SHISA9: variants seen among roughly 807,000 people sequenced by gnomAD.
SHISA9 encodes the protein protein shisa-9.
In SHISA9, 13 loss-of-function variants were observed where a neutral mutation model predicts 38.0. The ratio of observed to expected loss-of-function variants is 0.34; its 90% CI spans 0.22 to 0.54. The LOEUF (loss-of-function observed/expected upper bound fraction) is 0.54, where lower values mean the gene tolerates loss of function less well. SHISA9 is among the 20% of genes least tolerant of loss of function. The pLI, the probability that SHISA9 is intolerant of heterozygous loss-of-function variation, is 0.91. For missense variants in SHISA9, 538 were observed against 575.8 expected (o/e 0.93, Z 0.67); for synonymous variants, 275 against 242.0 (o/e 1.14, Z -1.27).
chr16:13,035,650 C>T (rs1179118279), intron 2 of SHISA9, among the ~76,000 whole-genome samples: 1 of 152,046 alleles, frequency 6.6e-6, no homozygotes, highest in Non-Finnish European at 1.5e-5. Context: ...CCTGTCTCAG[C>T]CTCTCAAGTA....
At chr16:13,272,168 A>C in the SHISA9 span, among the ~76,000 whole-genome samples, 2 of 152,116 alleles carry the variant, frequency 1.3e-5, no homozygotes, top group African/African-American at 4.8e-5. Context: ...AAATTATGGA[A>C]GCATACAATT....
At chr16:13,453,670 A>G in the SHISA9 span, among the ~76,000 whole-genome samples, 2 of 152,250 alleles carry the variant, frequency 1.3e-5, no homozygotes, top group Non-Finnish European at 2.9e-5. Context: ...CTGATAGTCC[A>G]TAGACTAGTA....
chr16:13,303,585 T>C, the SHISA9 span, among the ~76,000 whole-genome samples: 2 of 152,126 alleles, frequency 1.3e-5, no homozygotes, highest in East Asian at 1.9e-4. Context: ...TGCCAGGGTA[T>C]GGAGGGGAGA....
chr16:13,344,978 A>G, the SHISA9 span, among the ~76,000 whole-genome samples: 1 of 152,166 alleles, frequency 6.6e-6, no homozygotes, highest in Admixed American at 6.5e-5. Context: ...AACATTCCCC[A>G]TGTATGTAGA....
At chr16:13,493,513 C>T in the SHISA9 span, among the ~76,000 whole-genome samples, 32 of 152,256 alleles carry the variant, frequency 2.1e-4, no homozygotes, top group African/African-American at 7.2e-4. Context: ...CTGAGACACA[C>T]GGGGCTCTGA....
Position 12,901,999 on chromosome 16 carries a change from G to T in SHISA9, c.-66G>T, listed in dbSNP as rs1469084938. 9 of 1,304,320 alleles carry T rather than the reference G, an allele frequency of 6.9e-6. No homozygotes were observed. The highest frequency in any genetic ancestry group is 3.2e-5 in the East Asian group (1 of 31,166). The allele number at this position is 1,304,320 out of a possible 1,614,324, so 80.8% of individuals were successfully genotyped here. A position where few individuals can be genotyped will look rare whatever the true frequency, so the allele number is the denominator to read the frequency against. ...CAGCAGCCTCGGCAGCTTCGGCCGC[G>T]CCTCGAGAGGCGGCCGCAGAGGCTC... On this transcript the variant is annotated 5_prime_UTR_variant, in exon 1 of 5. Transcript: ENST00000558583.
chr16:13,250,969 A>G, the SHISA9 span, among the ~76,000 whole-genome samples: 5 of 152,166 alleles, frequency 3.3e-5, no homozygotes, highest in African/African-American at 9.7e-5. Flanking sequence ...TTGAGAATCA[A>G]TTCTAGAAAC....
rs1051186897 is a variant in SHISA9, at chr16:12,916,383, A to G, written c.564-305A>G. The stretch of plus-strand genomic sequence containing the variant: ...TAGATATAAAGAGAGAACTAAATCT[A>G]TGGAGTGCAGACACATTATATGTAT... On this transcript the variant is annotated intron_variant, in intron 1 of 4. Transcript: ENST00000558583. Among the ~76,000 whole-genome samples the G allele has an allele frequency of 4.6e-5, 7 of 152,216 alleles. No homozygotes were observed. The East Asian group carries it at 7.7e-4, about 17-fold the overall frequency.
At chr16:13,234,944 A>T in intron 4 of SHISA9, 86 bp from the exon 5 acceptor site, 1 of 1,427,132 alleles carries the variant, frequency 7.0e-7, no homozygotes, top group Non-Finnish European at 9.3e-7. Context: ...TTGGGTTGAC[A>T]TGCCAGTCTC....
intron 2 of SHISA9, among the ~76,000 whole-genome samples, chr16:13,074,513 G>A (rs1256935495): frequency 2.0e-5 from 3 of 152,142 alleles, no homozygotes. Context: ...TGAGGATACG[G>A]TGAGTAAATA....
the SHISA9 span, among the ~76,000 whole-genome samples, chr16:13,353,950 T>C: frequency 4.6e-5 from 7 of 151,922 alleles, no homozygotes; most frequent in African/African-American, 1.2e-4. Flanking sequence ...AGGAATTATG[T>C]CTGACAGAAG....
intron 1 of SHISA9, among the ~76,000 whole-genome samples, chr16:12,905,345 G>A (rs2071078654): frequency 6.6e-6 from 1 of 152,064 alleles, no homozygotes; most frequent in East Asian, 1.9e-4. Flanking sequence ...TAAACATCAG[G>A]ATCTGGGGCA....
At chr16:13,331,542 A>C in the SHISA9 span, 6 of 152,212 alleles carry the variant, frequency 3.9e-5, no homozygotes, top group Non-Finnish European at 1.5e-5. Context: ...AAAATGACTT[A>C]AGTTCCATAG....
chr16:13,428,050 A>G, the SHISA9 span, among the ~76,000 whole-genome samples: 2 of 152,216 alleles, frequency 1.3e-5, no homozygotes, highest in Non-Finnish European at 2.9e-5. Context: ...AAGCCCTGCA[A>G]AGAATTTTCT....
At chr16:13,064,069 C>T (rs1017434832) in intron 2 of SHISA9, among the ~76,000 whole-genome samples, 1 of 152,112 alleles carries the variant, frequency 6.6e-6, no homozygotes, top group African/African-American at 2.4e-5. Context: ...CGTTTAATTT[C>T]CTGTGTTTTG....
chr16:12,911,074 A>G (rs1189001534), intron 1 of SHISA9: 2 of 189,444 alleles, frequency 1.1e-5, no homozygotes, highest in East Asian at 3.8e-4. Context: ...CCTGTGACCC[A>G]GTCAAGTTGA....
intron 2 of SHISA9, among the ~76,000 whole-genome samples, chr16:13,047,783 A>C (rs374364660): frequency 6.6e-6 from 1 of 152,120 alleles, no homozygotes; most frequent in African/African-American, 2.4e-5. Context: ...TATGAATACT[A>C]TTTAATAGTA....
intron 2 of SHISA9, among the ~76,000 whole-genome samples, chr16:13,097,807 T>A (rs1330963963): frequency 6.6e-6 from 1 of 152,132 alleles, no homozygotes; most frequent in African/African-American, 2.4e-5. Flanking sequence ...GGAATGAGTT[T>A]TAGAAGTAAG....
chr16:13,058,224 G>T (rs2073332651), intron 2 of SHISA9, among the ~76,000 whole-genome samples: 1 of 152,094 alleles, frequency 6.6e-6, no homozygotes, highest in Admixed American at 6.5e-5. Flanking sequence ...CTTATTGCCT[G>T]GTCATACAAT....
Sources: gnomAD v4.1 joint callset for allele counts (sites outside exome capture counted in the v4.1 genomes callset) on GRCh38, gnomAD v4.1.1 for gene constraint, MANE v1.5 for transcripts, NCBI Gene and HGNC (gene_info 2026-07-23, HGNC 2026-07-21) for gene names.